CENPP: variants seen among roughly 807,000 people sequenced by gnomAD.
CENPP encodes the protein centromere protein P.
A neutral mutation model predicts 35.6 loss-of-function variants in CENPP; 24 were observed. The ratio of observed to expected loss-of-function variants is 0.67; its 90% CI spans 0.49 to 0.95. CENPP has a LOEUF of 0.95. Among genes scored for constraint, CENPP ranks in the 40% least tolerant of loss-of-function variants. CENPP has a pLI of 0.00. For synonymous variants in CENPP, 120 were observed against 125.5 expected, an observed-to-expected ratio of 0.96 and a Z score of 0.29; for missense variants, 332 against 345.3, an observed-to-expected ratio of 0.96 and a Z score of 0.31.
intron 5 of CENPP, among the ~76,000 whole-genome samples, chr9:92,606,569 T>C (rs577609276): frequency 5.9e-4 from 90 of 151,860 alleles, no homozygotes; most frequent in African/African-American, 1.7e-3. Flanking sequence ...GCAAAACTTA[T>C]ACACAAATGT....
At chr9:92,391,273 G>A (rs1842670371) in intron 5 of CENPP, among the ~76,000 whole-genome samples, 1 of 151,990 alleles carries the variant, frequency 6.6e-6, no homozygotes, top group African/African-American at 2.4e-5. Context: ...CAGGCGTGGT[G>A]GCGAGCACTT....
chr9:92,466,435 TCTG>T (rs767126722), intron 5 of CENPP: 5 of 1,610,144 alleles, frequency 3.1e-6, no homozygotes, highest in African/African-American at 1.3e-5. Flanking sequence ...AATTCTGAGT[TCTG>T]CTAATGATTT....
chr9:92,533,816 T>C (rs536866858), intron 5 of CENPP, among the ~76,000 whole-genome samples: 1 of 152,304 alleles, frequency 6.6e-6, no homozygotes, highest in Admixed American at 6.5e-5. Context: ...TAATACCTTA[T>C]AGATATTTGT....
intron 5 of CENPP, among the ~76,000 whole-genome samples, chr9:92,584,579 C>T (rs1232766383): frequency 6.6e-6 from 1 of 152,056 alleles, no homozygotes; most frequent in African/African-American, 2.4e-5. Context: ...GGGCTCAAGC[C>T]ACCCTCCCAC....
intron 5 of CENPP, among the ~76,000 whole-genome samples, chr9:92,408,759 A>G (rs1478039335): frequency 6.6e-6 from 1 of 152,150 alleles, no homozygotes; most frequent in African/African-American, 2.4e-5. Context: ...GTGATGACCA[A>G]AAATGTCTCC....
At position 92,397,922 on chromosome 9, in the gene CENPP, T is replaced by C. The variant is rs576079698; in HGVS notation, c.564+18063T>C. ...TTCTATATTTCTGTATCTCTGTATATACAAACCCTGAGTTAATAGTAGTAT... is the reference window on the plus strand; with the variant it reads ...TTCTATATTTCTGTATCTCTGTATACACAAACCCTGAGTTAATAGTAGTAT... On this transcript the variant is annotated intron_variant, in intron 5 of 7. Transcript: ENST00000375587. 2.6e-5 allele frequency among the ~76,000 whole-genome samples: 4 copies of C among 152,340 alleles called. No individual in the cohort carries two copies. The South Asian group carries it at 8.3e-4, about 32-fold the overall frequency.
At chr9:92,411,634 A>G (rs1053697614) in intron 5 of CENPP, among the ~76,000 whole-genome samples, 1 of 152,204 alleles carries the variant, frequency 6.6e-6, no homozygotes, top group Non-Finnish European at 1.5e-5. Context: ...TTATTTGCTA[A>G]GGCTGTTCTT....
chr9:92,333,415 CTT>C (rs1840818466), intron 2 of CENPP, among the ~76,000 whole-genome samples: 1 of 152,270 alleles, frequency 6.6e-6, no homozygotes, highest in African/African-American at 2.4e-5. Context: ...AGTTATAAGA[CTT>C]TTACTAGCTT....
intron 5 of CENPP, among the ~76,000 whole-genome samples, chr9:92,465,838 T>G (rs2131058663): frequency 6.8e-6 from 1 of 146,138 alleles, no homozygotes; most frequent in East Asian, 2.0e-4. Flanking sequence ...AGGAGGTTCT[T>G]TTTTTTTTTT....
chr9:92,563,569 A>G (rs551172681), intron 5 of CENPP, among the ~76,000 whole-genome samples: 94 of 152,322 alleles, frequency 6.2e-4, no homozygotes, highest in Admixed American at 1.6e-3. Flanking sequence ...TTGGAAATCT[A>G]TAGGAGAGTA....
At chr9:92,482,106 A>T (rs1214769938) in intron 5 of CENPP, among the ~76,000 whole-genome samples, 1 of 152,160 alleles carries the variant, frequency 6.6e-6, no homozygotes, top group Non-Finnish European at 1.5e-5. Context: ...TATAGGTAAG[A>T]CATAAAACTA....
chr9:92,434,335 G>T (rs754947681), intron 5 of CENPP, among the ~76,000 whole-genome samples: 1 of 150,080 alleles, frequency 6.7e-6, no homozygotes, highest in Non-Finnish European at 1.5e-5. Context: ...GTTGCAGTGA[G>T]CCAAGATTGT....
chr9:92,528,445 A>G (rs1848546716), intron 5 of CENPP, among the ~76,000 whole-genome samples: 3 of 152,330 alleles, frequency 2.0e-5, no homozygotes, highest in South Asian at 4.1e-4. Context: ...ACCCTTCCAG[A>G]GATGTGAAGT....
intron 5 of CENPP, among the ~76,000 whole-genome samples, chr9:92,421,305 G>A (rs961085239): frequency 1.2e-4 from 18 of 152,218 alleles, no homozygotes; most frequent in African/African-American, 4.3e-4. Flanking sequence ...CTCCCAAAGT[G>A]CTGGGATTAC....
At chr9:92,330,538 G>A (rs1320186282) in intron 1 of CENPP, among the ~76,000 whole-genome samples, 5 of 151,970 alleles carry the variant, frequency 3.3e-5, no homozygotes, top group African/African-American at 1.2e-4. Context: ...AGGAAGAGAT[G>A]TTTTAAGCTG....
At chr9:92,507,705 TCA>T (rs1428075831) in intron 5 of CENPP, among the ~76,000 whole-genome samples, 2 of 152,194 alleles carry the variant, frequency 1.3e-5, no homozygotes, top group East Asian at 1.9e-4. Context: ...TTTAGTTGTT[TCA>T]GTCATTAGTG....
intron 5 of CENPP, among the ~76,000 whole-genome samples, chr9:92,582,618 G>A (rs1588295392): frequency 6.6e-6 from 1 of 150,622 alleles, no homozygotes; most frequent in East Asian, 1.9e-4. Context: ...CAATAACGGT[G>A]TCCTTTCTGG....
chr9:92,406,382 T>C (rs939553378), intron 5 of CENPP, among the ~76,000 whole-genome samples: 2 of 152,206 alleles, frequency 1.3e-5, no homozygotes, highest in Admixed American at 6.5e-5. Context: ...AGAGACCATG[T>C]AGAGATTTTT....
At chr9:92,533,354 T>G (rs1848977219) in intron 5 of CENPP, among the ~76,000 whole-genome samples, 1 of 126,878 alleles carries the variant, frequency 7.9e-6, no homozygotes, top group African/African-American at 3.0e-5. Context: ...TATATATATA[T>G]ATATGCTTTG....
Sources: gnomAD v4.1 joint callset for allele counts (sites outside exome capture counted in the v4.1 genomes callset) on GRCh38, gnomAD v4.1.1 for gene constraint, MANE v1.5 for transcripts, NCBI Gene and HGNC (gene_info 2026-07-23, HGNC 2026-07-21) for gene names.